SYTL3: variants seen among roughly 807,000 people sequenced by gnomAD.
SYTL3 encodes the protein synaptotagmin like 3, also known as synaptotagmin-like protein 3.
SYTL3 carries 88 observed loss-of-function variants against 82.1 expected under a neutral mutation model. The ratio of observed to expected loss-of-function variants is 1.07; its 90% CI spans 0.90 to 1.28. The LOEUF (loss-of-function observed/expected upper bound fraction) is 1.28. Ranked by LOEUF, SYTL3 falls within the 50% of genes most tolerant of loss-of-function variation. The pLI is 0.00. For synonymous variants in SYTL3, 311 were observed against 289.4 expected, an observed-to-expected ratio of 1.07 and a Z score of -0.76; for missense variants, 831 against 757.6, an observed-to-expected ratio of 1.10 and a Z score of -1.14.
intron 5 of SYTL3, among the ~76,000 whole-genome samples, chr6:158,669,176 C>T (rs317801): frequency 0.38 from 57,559 of 151,966 alleles, 13,831 homozygotes; most frequent in East Asian, 0.77. Flanking sequence ...TTAGCTTCAT[C>T]AAAAAAATAA....
intron 6 of SYTL3, among the ~76,000 whole-genome samples, chr6:158,704,109 G>A (rs1781660953): frequency 6.6e-6 from 1 of 151,458 alleles, no homozygotes. Flanking sequence ...TTACAGATGT[G>A]AGCCACCACA....
At chr6:158,688,865 T>C (rs113550020) in intron 6 of SYTL3, among the ~76,000 whole-genome samples, 2 of 152,312 alleles carry the variant, frequency 1.3e-5, no homozygotes, top group African/African-American at 4.8e-5. Context: ...AGGCAAAAAA[T>C]TATTGAATAG....
At chr6:158,658,752 C>A (rs941212049) in intron 2 of SYTL3, among the ~76,000 whole-genome samples, 2 of 134,222 alleles carry the variant, frequency 1.5e-5, no homozygotes, top group Non-Finnish European at 3.1e-5. Flanking sequence ...TGGTGAAACC[C>A]TGTCTGTACT....
rs11464035 is a variant in SYTL3 at position 158,650,777 on chromosome 6, TAAA to T, written c.-727+713_-727+715del. Reference sequence around the variant, plus strand: ...GGCCAACATGATGAAACCCCATCTCTAAAAAAAAAAAAAAAATACAAAAATTAG... The same window carrying T: ...GGCCAACATGATGAAACCCCATCTCTAAAAAAAAAAAAATACAAAAATTAG... On this transcript the variant is annotated intron_variant, in intron 1 of 17. Transcript: ENST00000611299. 1.3e-4 allele frequency among the ~76,000 whole-genome samples: 18 copies of T among 138,266 alleles called. No individual in the cohort carries two copies. In the South Asian group the frequency reaches 3.9e-3, roughly 30 times the overall value. 90.7% of individuals were successfully genotyped at this position (138,266 alleles called of 152,430 possible).
intron 11 of SYTL3, among the ~76,000 whole-genome samples, chr6:158,732,069 A>G (rs1424379759): frequency 6.6e-6 from 1 of 152,236 alleles, no homozygotes; most frequent in Non-Finnish European, 1.5e-5. Flanking sequence ...CTAGTAATCC[A>G]GAGAATAGTA....
chr6:158,731,963 T>A (rs1021416197), intron 11 of SYTL3, among the ~76,000 whole-genome samples: 1 of 152,208 alleles, frequency 6.6e-6, no homozygotes, highest in Non-Finnish European at 1.5e-5. Context: ...TATAAAGATT[T>A]ACATAACCAA....
chr6:158,693,681 CCTTTCTTTCTTTTCGTTTT>C (rs932741161), intron 6 of SYTL3, among the ~76,000 whole-genome samples: 3 of 145,248 alleles, frequency 2.1e-5, no homozygotes, highest in African/African-American at 8.2e-5. Flanking sequence ...CTGAATCCAG[CCTTTCTTTCTTTTCGTTTT>C]CTTTCTTTCT....
chr6:158,756,806 A>T (rs1789171716), intron 13 of SYTL3, among the ~76,000 whole-genome samples: 1 of 123,722 alleles, frequency 8.1e-6, no homozygotes, highest in Admixed American at 1.1e-4. Context: ...TGCAGTGTTT[A>T]GATGCAAGTT....
chr6:158,687,640 T>G (rs1051676857), intron 6 of SYTL3, among the ~76,000 whole-genome samples: 6 of 152,208 alleles, frequency 3.9e-5, no homozygotes, highest in Admixed American at 3.9e-4. Flanking sequence ...TTGTTCCTCA[T>G]TCTGCCGCTA....
At chr6:158,710,505 G>A (rs1290305061) in intron 8 of SYTL3, among the ~76,000 whole-genome samples, 1 of 107,036 alleles carries the variant, frequency 9.3e-6, no homozygotes, top group African/African-American at 4.5e-5. Flanking sequence ...GAAGCATGGA[G>A]TCAGTTTTCA....
At chr6:158,708,691 G>A (rs759667486) in intron 8 of SYTL3, among the ~76,000 whole-genome samples, 12 of 152,148 alleles carry the variant, frequency 7.9e-5, no homozygotes, top group South Asian at 4.1e-4. Flanking sequence ...TGTGCTGGGC[G>A]TGTGTGTAGA....
rs541785460 is a variant in SYTL3 at position 158,650,426 on chromosome 6, C to G, written c.-727+348C>G. 9.2e-5 allele frequency among the ~76,000 whole-genome samples: 14 copies of G among 151,840 alleles called. No homozygotes were observed. In the South Asian group the frequency reaches 2.9e-3, roughly 32 times the overall value. On this transcript the variant is annotated intron_variant, in intron 1 of 17. Transcript: ENST00000611299. ...CTTCTTTGGTTTGCAAATTCTTATA[C>G]TTACAGTTTATTACTATTTTGCTCT...
chr6:158,716,773 C>CG (rs1274834648), intron 9 of SYTL3, among the ~76,000 whole-genome samples: 1 of 152,086 alleles, frequency 6.6e-6, no homozygotes. Flanking sequence ...CAAAGCCAGC[C>CG]GGGGGGTCAA....
chr6:158,654,407 G>A (rs1275180139), intron 2 of SYTL3, among the ~76,000 whole-genome samples: 1 of 152,186 alleles, frequency 6.6e-6, no homozygotes, highest in Non-Finnish European at 1.5e-5. Context: ...TAACCAAACT[G>A]TGTTTGTCTG....
At chr6:158,737,189 A>G (rs1424520697) in intron 11 of SYTL3, among the ~76,000 whole-genome samples, 1 of 152,160 alleles carries the variant, frequency 6.6e-6, no homozygotes, top group African/African-American at 2.4e-5. Context: ...AACTAATTGA[A>G]CTTCACCATG....
intron 11 of SYTL3, among the ~76,000 whole-genome samples, chr6:158,733,571 CCCTCCTCGGCCTCCCAAAGTG>C (rs1268900808): frequency 6.6e-6 from 1 of 151,874 alleles, no homozygotes; most frequent in Admixed American, 6.6e-5. Context: ...TCGTGATCCG[CCCTCCTCGGCCTCCCAAAGTG>C]CTGGGATGAC....
intron 3 of SYTL3, 82 bp from the exon 4 acceptor site, chr6:158,662,668 A>G (rs565266960): frequency 6.6e-6 from 1 of 152,322 alleles, no homozygotes; most frequent in East Asian, 1.9e-4. Flanking sequence ...TTTGTGTAGA[A>G]TATTTTGTCT....
intron 6 of SYTL3, among the ~76,000 whole-genome samples, chr6:158,706,285 C>A (rs944689565): frequency 1.3e-5 from 2 of 152,142 alleles, no homozygotes; most frequent in Non-Finnish European, 1.5e-5. Context: ...GATCTAGGGG[C>A]TGCCTTCTTC....
chr6:158,742,896 CATTCTT>C (rs2128508221), intron 11 of SYTL3, among the ~76,000 whole-genome samples: 1 of 152,116 alleles, frequency 6.6e-6, no homozygotes, highest in East Asian at 1.9e-4. Context: ...CAGCTGGAAA[CATTCTT>C]AAGCTTCTCG....
Sources: gnomAD v4.1 joint callset for allele counts (sites outside exome capture counted in the v4.1 genomes callset) on GRCh38, gnomAD v4.1.1 for gene constraint, MANE v1.5 for transcripts, NCBI Gene and HGNC (gene_info 2026-07-23, HGNC 2026-07-21) for gene names.